The following CTNNA3 variants were observed in gnomAD, a reference collection of about 807,000 sequenced individuals.
The protein encoded by CTNNA3 is catenin alpha 3, also known as catenin alpha-3.
A neutral mutation model predicts 95.7 loss-of-function variants in CTNNA3; 76 were observed. The observed-to-expected ratio is 0.79, with a 90% confidence interval of 0.66 to 0.96. The LOEUF is 0.96. CTNNA3 is among the 40% of genes least tolerant of loss of function. CTNNA3 has a pLI of 0.00. For synonymous variants in CTNNA3, 431 were observed against 374.4 expected (o/e 1.15, Z -1.74); for missense variants, 1,191 against 1,089.8 (o/e 1.09, Z -1.31).
intron 5 of CTNNA3, among the ~76,000 whole-genome samples, chr10:67,279,838 C>A (rs1210734391): frequency 1.3e-5 from 2 of 149,920 alleles, no homozygotes; most frequent in African/African-American, 5.0e-5. Context: ...TTCAACTACT[C>A]CAAACTGATA....
intron 7 of CTNNA3, among the ~76,000 whole-genome samples, chr10:67,086,698 G>A (rs904001412): frequency 4.0e-5 from 6 of 151,886 alleles, no homozygotes; most frequent in Non-Finnish European, 7.4e-5. Flanking sequence ...AATGTTCAGG[G>A]AAATCATATA....
At chr10:65,942,094 A>G (rs1222028500) in intron 17 of CTNNA3, among the ~76,000 whole-genome samples, 1 of 152,248 alleles carries the variant, frequency 6.6e-6, no homozygotes, top group Non-Finnish European at 1.5e-5. Flanking sequence ...TAGATTTCAG[A>G]GAAGAACTCT....
At chr10:67,440,305 G>T (rs967484877) in intron 5 of CTNNA3, among the ~76,000 whole-genome samples, 14 of 152,190 alleles carry the variant, frequency 9.2e-5, no homozygotes, top group African/African-American at 2.4e-4. Context: ...TGGTTTGAGG[G>T]CAAGCTCAGA....
At chr10:66,558,524 T>C (rs1842457983) in intron 10 of CTNNA3, among the ~76,000 whole-genome samples, 1 of 152,140 alleles carries the variant, frequency 6.6e-6, no homozygotes, top group Non-Finnish European at 1.5e-5. Context: ...TGTCTTATAA[T>C]AACTAGGTAT....
chr10:66,770,948 G>A (rs991375377), intron 8 of CTNNA3, among the ~76,000 whole-genome samples: 3 of 151,972 alleles, frequency 2.0e-5, no homozygotes, highest in Non-Finnish European at 4.4e-5. Context: ...GGAATTAAAT[G>A]TACTAATAAT....
chr10:66,299,923 C>T (rs993774091), intron 12 of CTNNA3, among the ~76,000 whole-genome samples: 5 of 151,926 alleles, frequency 3.3e-5, no homozygotes, highest in Non-Finnish European at 7.4e-5. Context: ...GATGGAGTCT[C>T]GCTCTGTTGC....
intron 7 of CTNNA3, among the ~76,000 whole-genome samples, chr10:66,993,873 AT>A (rs1243396703): frequency 1.3e-5 from 2 of 151,898 alleles, no homozygotes; most frequent in African/African-American, 4.8e-5. Context: ...TTCTTATCCG[AT>A]TTATTCTTAG....
chr10:66,494,653 A>G (rs1840042184), intron 11 of CTNNA3, among the ~76,000 whole-genome samples: 1 of 152,176 alleles, frequency 6.6e-6, no homozygotes, highest in South Asian at 2.1e-4. Flanking sequence ...TGACACAGAA[A>G]TTGTTGAGAG....
chr10:65,986,262 T>C (rs2078425058), intron 16 of CTNNA3, among the ~76,000 whole-genome samples: 1 of 149,796 alleles, frequency 6.7e-6, no homozygotes, highest in Non-Finnish European at 1.5e-5. Context: ...TAGACTACCA[T>C]GTGCTCACAA....
intron 7 of CTNNA3, among the ~76,000 whole-genome samples, chr10:67,002,069 T>A (rs536018038): frequency 6.6e-6 from 1 of 152,290 alleles, no homozygotes; most frequent in South Asian, 2.1e-4. Flanking sequence ...TATTAACTTT[T>A]AGGAGCTCAG....
Position 66,211,979 on chromosome 10 carries a change from T to C in CTNNA3, c.1884+68491A>G, listed in dbSNP as rs151078606. ...TTTGCAGTCATAGCAACTATTGTTTTTGGGTTTTTTTTTTTTTTTTTTTTT... is the reference window on the plus strand; with the variant it reads ...TTTGCAGTCATAGCAACTATTGTTTCTGGGTTTTTTTTTTTTTTTTTTTTT... On this transcript the variant is annotated intron_variant, in intron 13 of 17. Coordinates refer to ENST00000433211, the MANE Select transcript of CTNNA3 (RefSeq NM_013266.4). 1.5e-3 allele frequency among the ~76,000 whole-genome samples: 216 copies of C among 142,376 alleles called. 1 individual carries two copies. The highest frequency in any genetic ancestry group is 3.5e-3 in the Middle Eastern group (1 of 286). The allele number at this position is 142,376 out of a possible 152,430, so 93.4% of individuals were successfully genotyped here. A position where few individuals can be genotyped will look rare whatever the true frequency, so the allele number is the denominator to read the frequency against.
intron 13 of CTNNA3, among the ~76,000 whole-genome samples, chr10:66,257,191 C>T (rs1045781155): frequency 2.0e-5 from 3 of 152,236 alleles, no homozygotes; most frequent in African/African-American, 7.2e-5. Flanking sequence ...CCTATCTTTT[C>T]CATCTCTATG....
intron 9 of CTNNA3, among the ~76,000 whole-genome samples, chr10:66,650,055 A>C (rs1054639100): frequency 2.6e-5 from 4 of 152,220 alleles, no homozygotes; most frequent in Non-Finnish European, 5.9e-5. Context: ...ATCCAGAAAA[A>C]ATATCAATAA....
At chr10:66,858,624 A>G (rs1458642969) in intron 7 of CTNNA3, among the ~76,000 whole-genome samples, 5 of 151,858 alleles carry the variant, frequency 3.3e-5, no homozygotes, top group African/African-American at 4.8e-5. Context: ...CCCTGGTTCA[A>G]TCTTAGGAGT....
At chr10:66,541,975 T>C (rs1841869258) in intron 10 of CTNNA3, among the ~76,000 whole-genome samples, 1 of 152,132 alleles carries the variant, frequency 6.6e-6, no homozygotes, top group African/African-American at 2.4e-5. Flanking sequence ...GAGAAAATTT[T>C]TGCAATCTGC....
chr10:67,216,024 A>T (rs1051666890), intron 6 of CTNNA3, among the ~76,000 whole-genome samples: 1 of 152,152 alleles, frequency 6.6e-6, no homozygotes, highest in Non-Finnish European at 1.5e-5. Flanking sequence ...TTTAGTTCTT[A>T]TAGTTCACTA....
rs1017106887 is a variant in CTNNA3 at position 66,147,616 on chromosome 10, T to G, written c.1885-44367A>C. Among the ~76,000 whole-genome samples the G allele has an allele frequency of 9.0e-4, 135 of 149,696 alleles. 1 individual carries two copies. The highest frequency in any genetic ancestry group is 3.2e-3 in the African/African-American group (131 of 40,846). ...CACTCAGGTTGCTTTCAGTTTTTTTTTTTTTTTTTTTTTTGTCGTTGTTGC... is the reference window on the plus strand; with the variant it reads ...CACTCAGGTTGCTTTCAGTTTTTTTGTTTTTTTTTTTTTTGTCGTTGTTGC... On this transcript the variant is annotated intron_variant, in intron 13 of 17. Transcript: ENST00000433211.
chr10:66,751,836 A>C (rs190716869), intron 9 of CTNNA3, among the ~76,000 whole-genome samples: 8 of 152,340 alleles, frequency 5.3e-5, no homozygotes, highest in African/African-American at 1.9e-4. Flanking sequence ...CTAACAAAAT[A>C]AGTTAAAAAG....
intron 1 of CTNNA3, among the ~76,000 whole-genome samples, chr10:67,663,927 G>T (rs3096248): frequency 0.22 from 33,807 of 152,098 alleles, 7,426 homozygotes; most frequent in African/African-American, 0.57. Context: ...CTGCGAGTAT[G>T]TGAAGATGAA....
Sources: allele counts gnomAD v4.1 joint callset (sites outside exome capture counted in the v4.1 genomes callset), GRCh38; gene constraint gnomAD v4.1.1; transcripts MANE v1.5; gene names NCBI Gene and HGNC (gene_info 2026-07-23, HGNC 2026-07-21).